The following P2RX2 variants were observed in gnomAD, a reference collection of about 807,000 sequenced individuals.
The protein encoded by P2RX2 is purinergic receptor P2X 2, also known as P2X purinoceptor 2.
P2RX2 carries 50 observed loss-of-function variants against 54.8 expected under a neutral mutation model. That is an observed-to-expected ratio of 0.91 (90% CI 0.73 to 1.15). The LOEUF is 1.15. Among genes scored for constraint, P2RX2 ranks in the 50% most tolerant of loss-of-function variants. The pLI, the probability that P2RX2 is intolerant of heterozygous loss-of-function variation, is 0.00. For missense variants in P2RX2, 658 were observed against 633.2 expected (o/e 1.04, Z -0.42); for synonymous variants, 289 against 259.4 (o/e 1.11, Z -1.09).
At position 132,620,585 on chromosome 12, in the gene P2RX2, C is replaced by T. The variant is rs1319871405; in HGVS notation, c.774+2C>T. 1.2e-6 allele frequency: 2 copies of T among 1,612,094 alleles called. No homozygotes were observed. Among genetic ancestry groups the T allele is most frequent in the Non-Finnish European group, 1.7e-6 (2 of 1,179,858 alleles). ...AGCTTCACAGAGCTCGCACACAAGGCAGGGCAAGCGCAGGCAGGGTGGGGC... is the reference window on the plus strand; with the variant it reads ...AGCTTCACAGAGCTCGCACACAAGGTAGGGCAAGCGCAGGCAGGGTGGGGC... On this transcript the variant is annotated splice_donor_variant, in intron 7 of 10. Transcript: ENST00000643471. LOFTEE classifies it low-confidence loss of function (GC_TO_GT_DONOR).
At position 132,618,914 on chromosome 12, in the gene P2RX2, T is replaced by C; in HGVS notation, c.98T>C (p.Val33Ala). Residue 33 changes from valine to alanine, a missense_variant, in exon 1 of 11, where the codon GTG (valine) becomes GCG (alanine). Coordinates refer to ENST00000643471, the MANE Select transcript of P2RX2 (RefSeq NM_170682.4). ...SALWDYETPK[V>A]IVVRNRRLGV... ...CTCTGGGACTACGAGACGCCCAAGG[T>C]GATCGTGGTGAGGAACCGGCGCCTG... The C allele has an allele frequency of 7.5e-7, 1 of 1,340,468 alleles. No homozygotes were observed. The highest frequency in any genetic ancestry group is 2.9e-5 in the East Asian group (1 of 35,046). 83.0% of individuals were successfully genotyped at this position (1,340,468 alleles called of 1,614,324 possible). A position where few individuals can be genotyped will look rare whatever the true frequency, so the allele number is the denominator to read the frequency against.
intron 2 of P2RX2, 33 bp from the exon 3 acceptor site, chr12:132,619,646 G>T (rs1236310447): frequency 6.3e-7 from 1 of 1,581,932 alleles, no homozygotes; most frequent in Non-Finnish European, 8.6e-7. Flanking sequence ...AGCGGCTGCC[G>T]CCTGGCCGAC....
Position 132,618,839 on chromosome 12 carries a change from A to G in P2RX2, c.23A>G (p.Tyr8Cys). ...GCCATGGCCGCCGCCCAGCCCAAGT[A>G]CCCCGCCGGGGCGACCGCCCGGCGC... is the stretch of plus-strand genomic sequence containing the variant. MAAAQPK[Y>C]PAGATARRLA... The change falls in exon 1 of 11, where the codon TAC (tyrosine) becomes TGC (cysteine). Residue 8 changes from tyrosine to cysteine, a missense_variant. Coordinates refer to ENST00000643471, the MANE Select transcript of P2RX2 (RefSeq NM_170682.4). 3 of 1,334,400 alleles carry G rather than the reference A, an allele frequency of 2.2e-6. No individual in the cohort carries two copies. Among genetic ancestry groups the G allele is most frequent in the Non-Finnish European group, 2.9e-6 (3 of 1,037,248 alleles). The allele number at this position is 1,334,400 out of a possible 1,614,324, so 82.7% of individuals were successfully genotyped here.
chr12:132,619,606 G>A lies in P2RX2; in HGVS notation c.309+32G>A, dbSNP rs376726676. On this transcript the variant is annotated intron_variant, in intron 2 of 10. Coordinates refer to ENST00000643471, the MANE Select transcript of P2RX2 (RefSeq NM_170682.4). ...GCCGCCCCCTGCCCCCCGCCCCGCCGTGCACCCTACCCTAGTGGGCGGAGG... is the reference window on the plus strand; with the variant it reads ...GCCGCCCCCTGCCCCCCGCCCCGCCATGCACCCTACCCTAGTGGGCGGAGG... The A allele has an allele frequency of 5.2e-5, 82 of 1,589,130 alleles. No homozygotes were observed. In the African/African-American group the frequency reaches 9.4e-4, roughly 18 times the overall value.
Position 132,620,015 on chromosome 12 carries a change from G to A in P2RX2, c.473G>A (p.Arg158His), listed in dbSNP as rs1355473679. Residue 158 changes from arginine to histidine, a missense_variant, in exon 5 of 11, where the codon CGC becomes CAC. Physicochemically the swap from Arg to His is conservative, Grantham distance 29. Coordinates refer to ENST00000643471, the MANE Select transcript of P2RX2 (RefSeq NM_170682.4). ...TGCCTCCCAGGCCTGAGGACTGGGC[G>A]CTGTGTGCCCTATTACCAGGGGCCC... ...DMLGNGLRTG[R>H]CVPYYQGPSK... 5.0e-6 allele frequency: 8 copies of A among 1,585,106 alleles called. No homozygotes were observed. Among genetic ancestry groups the A allele is most frequent in the Admixed American group, 1.8e-5 (1 of 55,542 alleles).
At chr12:132,619,954 G>GGGGGGGGGGGGGGGGGGGGGC in intron 4 of P2RX2, 35 bp downstream of exon 4, 1 of 1,262,194 alleles carries the variant, frequency 7.9e-7, no homozygotes, top group Non-Finnish European at 1.1e-6. Flanking sequence ...GGCGGGTGGG[G>GGGGGGGGGGGGGGGGGGGGGC]CAGGGCTGCG....
chr12:132,622,286 AACCCC>A lies in P2RX2; in HGVS notation c.*332_*336del, dbSNP rs928835114. On this transcript the variant is annotated 3_prime_UTR_variant, in exon 11 of 11. Coordinates refer to ENST00000643471, the MANE Select transcript of P2RX2 (RefSeq NM_170682.4). ...TCTGCTCCCGGTCTTGGGCCCTGGG[AACCCC>A]ACCCCACCCCACCCCACAGGCGTTG... The A allele has an allele frequency of 1.4e-4, 173 of 1,240,124 alleles. No homozygotes were observed. The highest frequency in any genetic ancestry group is 6.1e-4 in the Middle Eastern group (2 of 3,272). The allele number at this position is 1,240,124 out of a possible 1,614,324, so 76.8% of individuals were successfully genotyped here.
rs756150183 is a variant in P2RX2, at chr12:132,622,123, C to T, written c.*151C>T. 5.6e-5 allele frequency: 83 copies of T among 1,477,210 alleles called. No individual in the cohort carries two copies. Among genetic ancestry groups the T allele is most frequent in the Middle Eastern group, 4.8e-4 (2 of 4,198 alleles). 91.5% of individuals were successfully genotyped at this position (1,477,210 alleles called of 1,614,324 possible). On this transcript the variant is annotated 3_prime_UTR_variant, in exon 11 of 11. Coordinates refer to ENST00000643471, the MANE Select transcript of P2RX2 (RefSeq NM_170682.4). ...GATCCCTGTGCAAGGGCTGGGGGCACGCTCTGGCCCCAGGCTTGTGCCCCA... is the reference window on the plus strand; with the variant it reads ...GATCCCTGTGCAAGGGCTGGGGGCATGCTCTGGCCCCAGGCTTGTGCCCCA...
At position 132,620,557 on chromosome 12, in the gene P2RX2, G is replaced by A; in HGVS notation, c.748G>A (p.Glu250Lys). The A allele has an allele frequency of 5.6e-6, 9 of 1,613,324 alleles. No homozygotes were observed. The highest frequency in any genetic ancestry group is 2.2e-5 in the East Asian group (1 of 44,866). Residue 250 changes from glutamate (E) to lysine (K), a missense_variant, in exon 7 of 11, where the codon GAG (glutamate) becomes AAG (lysine). Physicochemically the swap from Glu to Lys is moderately conservative, Grantham distance 56. Coordinates refer to ENST00000643471, the MANE Select transcript of P2RX2 (RefSeq NM_170682.4). ...KLGFIVEKAG[E>K]SFTELAHKGG... ...GGGCTTTATCGTGGAGAAGGCTGGG[G>A]AGAGCTTCACAGAGCTCGCACACAA...
At chr12:132,620,893 CCT>C in intron 7 of P2RX2, 106 bp from the exon 8 acceptor site, 5 of 744,446 alleles carry the variant, frequency 6.7e-6, no homozygotes, top group South Asian at 5.7e-5. Context: ...TCTCGAGGGG[CCT>C]CTCGTGTGCC....
chr12:132,621,803 G>A lies in P2RX2; in HGVS notation c.1247G>A (p.Ser416Asn). ...CACCGCTCCGAGGACCAGCACCCCA[G>A]CCCTCCATCAGGCCAGGAGGGCCAA... Reference protein sequence around the residue: ...PGHRSEDQHPSPPSGQEGQQG... With the variant: ...PGHRSEDQHPNPPSGQEGQQG... Residue 416 changes from serine to asparagine, a missense_variant, in exon 11 of 11, where the codon AGC (serine) becomes AAC (asparagine). By Grantham distance (46) the Ser-to-Asn change is conservative (BLOSUM62 1). Coordinates refer to ENST00000643471, the MANE Select transcript of P2RX2 (RefSeq NM_170682.4). 6.2e-7 allele frequency: 1 copy of A among 1,605,582 alleles called. No individual in the cohort carries two copies. Among genetic ancestry groups the A allele is most frequent in the Non-Finnish European group, 8.5e-7 (1 of 1,175,134 alleles).
Position 132,622,344 on chromosome 12 carries a change from C to T in P2RX2, c.*372C>T. ...ACCTTGAATCTGCCCAGACTCTTCCCTTAGAAGTCACAACATACTCAGTCC... is the reference window on the plus strand; with the variant it reads ...ACCTTGAATCTGCCCAGACTCTTCCTTTAGAAGTCACAACATACTCAGTCC... On this transcript the variant is annotated 3_prime_UTR_variant, in exon 11 of 11. Coordinates refer to ENST00000643471, the MANE Select transcript of P2RX2 (RefSeq NM_170682.4). 3.7e-6 allele frequency: 2 copies of T among 542,316 alleles called. No individual in the cohort carries two copies. The highest frequency in any genetic ancestry group is 6.3e-5 in the East Asian group (1 of 15,754). The allele number at this position is 542,316 out of a possible 1,614,324, so 33.6% of individuals were successfully genotyped here. A position where few individuals can be genotyped will look rare whatever the true frequency, so the allele number is the denominator to read the frequency against.
rs2041551255 is a variant in P2RX2, at chr12:132,619,587, C to T, written c.309+13C>T. On this transcript the variant is annotated intron_variant, in intron 2 of 10. Transcript: ENST00000643471. Reference sequence around the variant, plus strand: ...GAAGCCCCCCGAGGTGCGGGCCGCCCCCTGCCCCCCGCCCCGCCGTGCACC... The same window carrying T: ...GAAGCCCCCCGAGGTGCGGGCCGCCTCCTGCCCCCCGCCCCGCCGTGCACC... The T allele has an allele frequency of 1.2e-6, 2 of 1,604,480 alleles. No individual in the cohort carries two copies. Among genetic ancestry groups the T allele is most frequent in the Non-Finnish European group, 8.5e-7 (1 of 1,173,828 alleles).
intron 7 of P2RX2, 130 bp from the exon 8 acceptor site, chr12:132,620,868 GGGA>G: frequency 2.0e-6 from 2 of 995,770 alleles, no homozygotes; most frequent in East Asian, 3.5e-5. Context: ...CATGCAGCCT[GGGA>G]CTGACCCGGG....
At chr12:132,620,895 TC>T in intron 7 of P2RX2, 105 bp from the exon 8 acceptor site, 1 of 347,546 alleles carries the variant, frequency 2.9e-6, no homozygotes, top group Non-Finnish European at 3.6e-6. Flanking sequence ...TCGAGGGGCC[TC>T]TCGTGTGCCC....
rs1593667806 is a variant in P2RX2 at position 132,619,309 on chromosome 12, G to A, written c.174-130G>A. On this transcript the variant is annotated intron_variant, in intron 1 of 10. Coordinates refer to ENST00000643471, the MANE Select transcript of P2RX2 (RefSeq NM_170682.4). ...CGGGGCAGGGGCTGGGGCTGGGACC[G>A]AGGGCGCGGGGCAGGCCCCAAGAGC... 3 of 976,080 alleles carry A rather than the reference G, an allele frequency of 3.1e-6. No homozygotes were observed. In the East Asian group the frequency reaches 9.7e-5, roughly 32 times the overall value. The allele number at this position is 976,080 out of a possible 1,614,324, so 60.5% of individuals were successfully genotyped here. A position where few individuals can be genotyped will look rare whatever the true frequency, so the allele number is the denominator to read the frequency against.
At chr12:132,620,178 G>A in intron 5 of P2RX2, 82 bp downstream of exon 5, 1 of 1,497,160 alleles carries the variant, frequency 6.7e-7, no homozygotes, top group South Asian at 1.2e-5. Context: ...CGGGGCAGGA[G>A]TGACAAGATC....
In P2RX2 at chr12:132,621,813, A is replaced by G; in HGVS notation, c.1257A>G (p.Ser419=). The change falls in exon 11 of 11, where the codon TCA becomes TCG. Residue 419 remains serine (S), a synonymous_variant. Coordinates refer to ENST00000643471, the MANE Select transcript of P2RX2 (RefSeq NM_170682.4). ...RSEDQHPSPP[S]GQEGQQGAEC... is the part of the protein sequence containing the mutation. ...AGGACCAGCACCCCAGCCCTCCATC[A>G]GGCCAGGAGGGCCAACAAGGGGCAG... 7 of 1,606,944 alleles carry G rather than the reference A, an allele frequency of 4.4e-6. No homozygotes were observed. The highest frequency in any genetic ancestry group is 6.0e-6 in the Non-Finnish European group (7 of 1,175,906).
At chr12:132,619,418 C>T (rs1403067477) in intron 1 of P2RX2, 21 bp from the exon 2 acceptor site, 1 of 1,610,804 alleles carries the variant, frequency 6.2e-7, no homozygotes, top group Non-Finnish European at 8.5e-7. Flanking sequence ...CCTCCGGAGC[C>T]GGCGCCGCCC....
Sources: gnomAD v4.1 joint callset for allele counts on GRCh38, gnomAD v4.1.1 for gene constraint, MANE v1.5 for transcripts, NCBI Gene and HGNC (gene_info 2026-07-23, HGNC 2026-07-21) for gene names.